The following TEX14 variants were observed in gnomAD, a reference collection of about 807,000 sequenced individuals.
TEX14 encodes testis expressed 14, intercellular bridge forming factor, also known as inactive serine/threonine-protein kinase TEX14.
A neutral mutation model predicts 178.6 loss-of-function variants in TEX14; 168 were observed. That is an observed-to-expected ratio of 0.94 (90% CI 0.83 to 1.07). The LOEUF (loss-of-function observed/expected upper bound fraction) is 1.07, where lower values mean the gene tolerates loss of function less well. TEX14 is among the 50% of genes least tolerant of loss of function. The pLI is 0.00. For synonymous variants in TEX14, 626 were observed against 634.1 expected, an observed-to-expected ratio of 0.99 and a Z score of 0.19; for missense variants, 1,730 against 1,753.6, an observed-to-expected ratio of 0.99 and a Z score of 0.24.
Position 58,616,230 on chromosome 17 carries a change from C to T in TEX14, c.712G>A (p.Ala238Thr), listed in dbSNP as rs936867892. Residue 238 changes from alanine to threonine, a missense_variant, in exon 7 of 32, where the codon GCT (alanine) becomes ACT (threonine). Around this residue, in one of 2 missense-constraint regions of TEX14, gnomAD observed 789 missense variants for 681.2 expected, o/e 1.16. Transcript: ENST00000349033. ...PVIGEKEVIQADDEPTFSFFS... is the reference protein window; with the variant it reads ...PVIGEKEVIQTDDEPTFSFFS... ...AAAGAGAAGGTGGGCTCATCATCAG[C>T]TTGAATCACTTCCTTTTCTCCAATG... 4 of 1,613,956 alleles carry T rather than the reference C, an allele frequency of 2.5e-6. No homozygotes were observed. The African/African-American group carries it at 4.0e-5, about 16-fold the overall frequency.
intron 6 of TEX14, 118 bp downstream of exon 6, chr17:58,617,420 G>GA: frequency 1.4e-6 from 1 of 712,596 alleles, no homozygotes; most frequent in East Asian, 2.5e-5. Context: ...GGGCAAAAAA[G>GA]AAAAGAACAA....
At chr17:58,689,881 G>A (rs977484201) in intron 1 of TEX14, among the ~76,000 whole-genome samples, 8 of 146,140 alleles carry the variant, frequency 5.5e-5, no homozygotes, top group South Asian at 2.1e-4. Flanking sequence ...ATGGAGTCTC[G>A]CTCTGTCGCC....
At chr17:58,579,555 G>A in intron 20 of TEX14, 110 bp downstream of exon 20, 1 of 892,082 alleles carries the variant, frequency 1.1e-6, no homozygotes, top group South Asian at 1.5e-5. Flanking sequence ...ATAATGAAAG[G>A]TTTGGACGAG....
intron 6 of TEX14, among the ~76,000 whole-genome samples, chr17:58,616,630 T>C (rs1363109328): frequency 6.6e-6 from 1 of 152,046 alleles, no homozygotes; most frequent in Non-Finnish European, 1.5e-5. Flanking sequence ...GCTTTTGCCA[T>C]GTTGGCTGGT....
At chr17:58,581,511 G>A in intron 19 of TEX14, 1 of 1,332,168 alleles carries the variant, frequency 7.5e-7, no homozygotes, top group Non-Finnish European at 1.0e-6. Flanking sequence ...AATCCTGGTA[G>A]ACATTACATA....
At chr17:58,683,236 G>C (rs953790059) in intron 1 of TEX14, among the ~76,000 whole-genome samples, 2 of 151,280 alleles carry the variant, frequency 1.3e-5, no homozygotes, top group African/African-American at 4.9e-5. Flanking sequence ...AGCTGGGCAT[G>C]GTGGCACGTG....
intron 13 of TEX14, among the ~76,000 whole-genome samples, chr17:58,600,476 G>A (rs748166465): frequency 6.0e-5 from 9 of 151,064 alleles, no homozygotes; most frequent in Non-Finnish European, 1.0e-4. Context: ...CAGGAGAATC[G>A]CTTGAACCTG....
chr17:58,603,887 CTGTGTGTGTGTGTG>C (rs71143257), intron 11 of TEX14, among the ~76,000 whole-genome samples: 24,545 of 105,202 alleles, frequency 0.23, 3,284 homozygotes, highest in Non-Finnish European at 0.3. Flanking sequence ...TGTGATTTTA[CTGTGTGTGTGTGTG>C]TGTGTGTGTG....
At chr17:58,603,122 T>C (rs946110864) in intron 11 of TEX14, among the ~76,000 whole-genome samples, 2 of 152,016 alleles carry the variant, frequency 1.3e-5, no homozygotes, top group African/African-American at 4.8e-5. Flanking sequence ...TTTACTCATT[T>C]ACCAGAGAGA....
chr17:58,655,011 T>G (rs1052655169), intron 1 of TEX14, among the ~76,000 whole-genome samples: 1 of 150,790 alleles, frequency 6.6e-6, no homozygotes, highest in Non-Finnish European at 1.5e-5. Flanking sequence ...CTGTAACCAG[T>G]TGCAGAAATA....
At chr17:58,618,483 T>C (rs1298795137) in intron 5 of TEX14, among the ~76,000 whole-genome samples, 1 of 152,240 alleles carries the variant, frequency 6.6e-6, no homozygotes, top group Non-Finnish European at 1.5e-5. Flanking sequence ...GAAGGTGTCT[T>C]GGAAGAAGGG....
At chr17:58,684,588 G>A (rs1033486097) in intron 1 of TEX14, among the ~76,000 whole-genome samples, 7 of 150,786 alleles carry the variant, frequency 4.6e-5, no homozygotes, top group African/African-American at 1.7e-4. Context: ...TGAGAAGATC[G>A]TGCCACTGCA....
chr17:58,658,308 T>C (rs978905872), intron 1 of TEX14, among the ~76,000 whole-genome samples: 1 of 152,072 alleles, frequency 6.6e-6, no homozygotes, highest in Non-Finnish European at 1.5e-5. Flanking sequence ...GGTTACACTA[T>C]TCTCATGCCT....
chr17:58,573,441 T>A (rs1299096312), intron 22 of TEX14, 133 bp from the exon 23 acceptor site: 1 of 719,916 alleles, frequency 1.4e-6, no homozygotes, highest in Non-Finnish European at 2.3e-6. Context: ...TTAGAGAATA[T>A]CTTAGAACAT....
chr17:58,654,495 C>G (rs149913604), intron 1 of TEX14, among the ~76,000 whole-genome samples: 1 of 146,250 alleles, frequency 6.8e-6, no homozygotes, highest in Admixed American at 6.8e-5. Context: ...AAAAAAAAAA[C>G]AACTTGTAAC....
At chr17:58,602,278 G>A (rs1382381766) in intron 12 of TEX14, 122 bp downstream of exon 12, 1 of 904,286 alleles carries the variant, frequency 1.1e-6, no homozygotes, top group Non-Finnish European at 1.7e-6. Flanking sequence ...CAGAAATGGT[G>A]TAATAAAATG....
At chr17:58,639,914 G>A (rs2046534385) in intron 2 of TEX14, among the ~76,000 whole-genome samples, 1 of 152,152 alleles carries the variant, frequency 6.6e-6, no homozygotes, top group African/African-American at 2.4e-5. Flanking sequence ...CCACATGTTT[G>A]CACTACCAGT....
intron 2 of TEX14, among the ~76,000 whole-genome samples, chr17:58,635,876 G>A (rs1291409894): frequency 8.5e-5 from 13 of 152,104 alleles, no homozygotes; most frequent in Non-Finnish European, 1.8e-4. Context: ...CTCCCCAGTA[G>A]CTGGGATCAC....
At chr17:58,662,413 TCTCACACACACACA>T (rs1323335391) in intron 1 of TEX14, among the ~76,000 whole-genome samples, 6 of 127,674 alleles carry the variant, frequency 4.7e-5, no homozygotes, top group Non-Finnish European at 8.0e-5. Flanking sequence ...AGCACACATA[TCTCACACACACACA>T]CACACACACA....
Sources: allele counts gnomAD v4.1 joint callset (sites outside exome capture counted in the v4.1 genomes callset), GRCh38; gene constraint gnomAD v4.1.1; regional missense constraint gnomAD v4.1.1; transcripts MANE v1.5; gene names NCBI Gene and HGNC (gene_info 2026-07-23, HGNC 2026-07-21).